GLIS1: variants seen among roughly 807,000 people sequenced by gnomAD.
GLIS1 encodes GLIS family zinc finger 1.
GLIS1 carries 24 observed loss-of-function variants against 63.8 expected under a neutral mutation model. That is an observed-to-expected ratio of 0.38 (90% CI 0.27 to 0.53). The LOEUF is 0.53. Among genes scored for constraint, GLIS1 ranks in the 20% least tolerant of loss-of-function variants. The probability of loss-of-function intolerance (pLI) is 0.85; values close to 1 mark genes in which losing one functional copy is unlikely to be tolerated. For synonymous variants in GLIS1, 450 were observed against 482.5 expected (o/e 0.93, Z 0.88); for missense variants, 1,036 against 1,074.1 (o/e 0.96, Z 0.50).
chr1:53,524,787 A>G lies in GLIS1; in HGVS notation c.1583T>C (p.Val528Ala). Residue 528 changes from valine (V) to alanine (A), a missense_variant, in exon 6 of 11, where the codon GTG becomes GCG. Val to Ala is a moderately conservative substitution (Grantham distance 64). Coordinates refer to ENST00000628545, the MANE Select transcript of GLIS1 (RefSeq NM_001367484.1). ...GGAGGGCTGGCTTACCTTCTTACGC[A>G]CCTGCTGCTCTTTGGCTGAATGGGC... ...VKAHSAKEQQ[V>A]RKKLHAGPDT... The G allele has an allele frequency of 1.2e-6, 2 of 1,613,028 alleles. No individual in the cohort carries two copies. Among genetic ancestry groups the G allele is most frequent in the South Asian group, 1.1e-5 (1 of 91,086 alleles).
At chr1:53,565,046 T>C (rs1189059221) in intron 4 of GLIS1, among the ~76,000 whole-genome samples, 2 of 152,032 alleles carry the variant, frequency 1.3e-5, no homozygotes, top group African/African-American at 4.8e-5. Flanking sequence ...ATATAAATAA[T>C]GTTCTCCAAT....
At chr1:53,587,663 C>T (rs1359385372) in intron 4 of GLIS1, among the ~76,000 whole-genome samples, 2 of 152,216 alleles carry the variant, frequency 1.3e-5, no homozygotes, top group Non-Finnish European at 2.9e-5. Context: ...AGGCAACAGG[C>T]TCTCAAGGTG....
At position 53,520,612 on chromosome 1, in the gene GLIS1, C is replaced by T. The variant is rs766971623; in HGVS notation, c.1726+22G>A. On this transcript the variant is annotated intron_variant, in intron 7 of 10. Transcript: ENST00000628545. ...GGCCCCTCCTGGGCTACGCCCCTGG[C>T]CCTGCCTCCCCGCACACGTACCTGG... is the stretch of plus-strand genomic sequence containing the variant. The T allele has an allele frequency of 6.3e-6, 10 of 1,592,482 alleles. No homozygotes were observed. The African/African-American group carries it at 1.2e-4, about 19-fold the overall frequency.
At chr1:53,702,545 C>T (rs1368383915) in intron 2 of GLIS1, among the ~76,000 whole-genome samples, 1 of 152,202 alleles carries the variant, frequency 6.6e-6, no homozygotes, top group East Asian at 1.9e-4. Flanking sequence ...CCAGAGCCAC[C>T]TGGCCACAGG....
intron 4 of GLIS1, among the ~76,000 whole-genome samples, chr1:53,578,031 C>T (rs1005140429): frequency 6.6e-6 from 1 of 152,116 alleles, no homozygotes; most frequent in Admixed American, 6.5e-5. Flanking sequence ...GCCCCATCAT[C>T]CCCTGAGCAC....
intron 2 of GLIS1, among the ~76,000 whole-genome samples, chr1:53,693,766 C>T (rs946527760): frequency 1.3e-5 from 2 of 152,184 alleles, no homozygotes; most frequent in Non-Finnish European, 2.9e-5. Context: ...CTGTTACCAC[C>T]GCACTGGGTG....
At chr1:53,508,302 C>A (rs1644258224) in intron 10 of GLIS1, among the ~76,000 whole-genome samples, 1 of 152,230 alleles carries the variant, frequency 6.6e-6, no homozygotes, top group East Asian at 1.9e-4. Flanking sequence ...CGTGGACCCA[C>A]AGGGTGGTAT....
At chr1:53,700,626 A>G (rs575356304) in intron 2 of GLIS1, among the ~76,000 whole-genome samples, 69 of 152,316 alleles carry the variant, frequency 4.5e-4, no homozygotes, top group African/African-American at 1.6e-3. Flanking sequence ...AATTTGAGAT[A>G]CAATTCACAT....
intron 7 of GLIS1, 115 bp downstream of exon 7, chr1:53,520,519 C>T (rs1644396466): frequency 1.6e-6 from 2 of 1,235,568 alleles, no homozygotes; most frequent in Admixed American, 3.2e-5. Context: ...GAGTGAGTGC[C>T]TGCAACATGT....
intron 2 of GLIS1, among the ~76,000 whole-genome samples, chr1:53,650,186 G>A (rs12091679): frequency 0.022 from 3,417 of 152,240 alleles, 152 homozygotes; most frequent in African/African-American, 0.077. Context: ...TAATCCAGAC[G>A]GAGAAATAGA....
chr1:53,659,898 GT>G (rs1646007826), intron 2 of GLIS1, among the ~76,000 whole-genome samples: 1 of 152,224 alleles, frequency 6.6e-6, no homozygotes. Flanking sequence ...AAAGGTAGAT[GT>G]TGACTTTTTC....
intron 2 of GLIS1, among the ~76,000 whole-genome samples, chr1:53,630,417 AAC>A (rs988922981): frequency 1.3e-5 from 2 of 152,176 alleles, no homozygotes; most frequent in Non-Finnish European, 2.9e-5. Context: ...AGGCTCATGG[AAC>A]ACACTGTCAA....
At chr1:53,620,178 A>C (rs1645527645) in intron 2 of GLIS1, among the ~76,000 whole-genome samples, 1 of 152,176 alleles carries the variant, frequency 6.6e-6, no homozygotes, top group South Asian at 2.1e-4. Flanking sequence ...TCTGGGGCAA[A>C]GCTCTCCTAG....
At chr1:53,524,165 C>A (rs965657785) in intron 6 of GLIS1, among the ~76,000 whole-genome samples, 1 of 152,248 alleles carries the variant, frequency 6.6e-6, no homozygotes, top group African/African-American at 2.4e-5. Context: ...GCTGAGGAAC[C>A]TGAAGCCCAA....
chr1:53,694,622 A>G (rs894380945), intron 2 of GLIS1, among the ~76,000 whole-genome samples: 9 of 152,004 alleles, frequency 5.9e-5, no homozygotes, highest in Admixed American at 3.9e-4. Flanking sequence ...TCCCAGCTCC[A>G]CCTCCTACAG....
intron 4 of GLIS1, among the ~76,000 whole-genome samples, chr1:53,555,245 T>A (rs973705093): frequency 6.6e-6 from 1 of 152,240 alleles, no homozygotes; most frequent in African/African-American, 2.4e-5. Context: ...CATCAGCTCA[T>A]GCTTTTAAGA....
rs375553410 is a variant in GLIS1, at chr1:53,613,804, C to T, written c.260-13526G>A. On this transcript the variant is annotated intron_variant, in intron 2 of 10. Coordinates refer to ENST00000628545, the MANE Select transcript of GLIS1 (RefSeq NM_001367484.1). ...GTCACTTCCTAAACCCATCCATTCC[C>T]CCACAGCTCCACAGAAAAGATGAAT... Among the ~76,000 whole-genome samples, 9 of 152,270 alleles carry T rather than the reference C, an allele frequency of 5.9e-5. 1 individual carries two copies. The South Asian group carries it at 1.2e-3, about 21-fold the overall frequency.
At chr1:53,534,168 G>C (rs1282332691) in intron 4 of GLIS1, among the ~76,000 whole-genome samples, 1 of 151,996 alleles carries the variant, frequency 6.6e-6, no homozygotes, top group Non-Finnish European at 1.5e-5. Flanking sequence ...GGTTGTGGGG[G>C]CACAGATGCT....
At position 53,534,844 on chromosome 1, in the gene GLIS1, A is replaced by G. The variant is rs551273879; in HGVS notation, c.1321-4892T>C. 2.6e-5 allele frequency among the ~76,000 whole-genome samples: 4 copies of G among 152,012 alleles called. No individual in the cohort carries two copies. In the South Asian group the frequency reaches 8.3e-4, roughly 32 times the overall value. On this transcript the variant is annotated intron_variant, in intron 4 of 10. Transcript: ENST00000628545. ...TGAGACCCAAGGGCGTCAAAGACCC[A>G]TAGCTCCAAACACACTGGAACTTGT... is the stretch of plus-strand genomic sequence containing the variant.
Sources: gnomAD v4.1 joint callset for allele counts (sites outside exome capture counted in the v4.1 genomes callset) on GRCh38, gnomAD v4.1.1 for gene constraint, MANE v1.5 for transcripts, NCBI Gene and HGNC (gene_info 2026-07-23, HGNC 2026-07-21) for gene names.